Variants in DEFB112 observed in about 807,000 individuals in gnomAD.
The protein encoded by DEFB112 is beta-defensin 112.
DEFB112 carries 2 observed loss-of-function variants against 1.1 expected under a neutral mutation model. The ratio of observed to expected loss-of-function variants is 1.85; its 90% CI spans 0.76 to 5.83. The LOEUF is 5.83. Ranked by LOEUF, DEFB112 falls within the 30% of genes most tolerant of loss-of-function variation. The pLI is 0.05. For synonymous variants in DEFB112, 40 were observed against 31.2 expected (o/e 1.28, Z -0.93); for missense variants, 120 against 94.4 (o/e 1.27, Z -1.12).
Position 50,043,629 on chromosome 6 carries a change from G to A in DEFB112, c.231C>T (p.Ile77=). ...ECDPTDPNNW[I]PKDSVGTQEW... Reference sequence around the variant, plus strand: ...CTTGAGTCCCTACTGAGTCCTTTGGGATCCAATTATTTGGGTCCGTAGGGT... The same window carrying A: ...CTTGAGTCCCTACTGAGTCCTTTGGAATCCAATTATTTGGGTCCGTAGGGT... The change falls in exon 2 of 2, where the codon ATC becomes ATT. Residue 77 remains isoleucine (I), a synonymous_variant. Transcript: ENST00000651554. The A allele has an allele frequency of 6.2e-7, 1 of 1,613,466 alleles. No homozygotes were observed. The highest frequency in any genetic ancestry group is 8.5e-7 in the Non-Finnish European group (1 of 1,179,594).
Position 50,043,722 on chromosome 6 carries a change from A to G in DEFB112, c.138T>C (p.Cys46=). 1.2e-6 allele frequency: 2 copies of G among 1,613,474 alleles called. No homozygotes were observed. The highest frequency in any genetic ancestry group is 1.7e-6 in the Non-Finnish European group (2 of 1,179,572). The change falls in exon 2 of 2, where the codon TGT becomes TGC. Residue 46 remains cysteine (C), a synonymous_variant. Coordinates refer to ENST00000651554, the MANE Select transcript of DEFB112 (RefSeq NM_001369057.2). ...ATGAAATCCTAAATTCACTATCATCACATTGATTTTTACATCGACCTCCAA... is the reference window on the plus strand; with the variant it reads ...ATGAAATCCTAAATTCACTATCATCGCATTGATTTTTACATCGACCTCCAA... ...TAIGGRCKNQ[C]DDSEFRISYC...
chr6:50,045,385 C>G (rs965432191), intron 1 of DEFB112, among the ~76,000 whole-genome samples: 1 of 152,056 alleles, frequency 6.6e-6, no homozygotes, highest in Middle Eastern at 3.2e-3. Context: ...ATCATAACCC[C>G]CTCCCTCTTC....
At chr6:50,045,477 A>C (rs557237418) in intron 1 of DEFB112, among the ~76,000 whole-genome samples, 3 of 152,172 alleles carry the variant, frequency 2.0e-5, no homozygotes, top group Admixed American at 1.3e-4. Flanking sequence ...TCAATTATGC[A>C]TTTTTTATGC....
rs1303634491 is a variant in DEFB112 at position 50,043,023 on chromosome 6, C to T, written c.*552G>A. On this transcript the variant is annotated 3_prime_UTR_variant, in exon 2 of 2. Transcript: ENST00000651554. ...TCTTCTTTTCCTTCCTCAACCTAGT[C>T]TCCCTCTATTCTACCTTTTGAGATT... Among the ~76,000 whole-genome samples, 1 of 151,940 alleles carries T rather than the reference C, an allele frequency of 6.6e-6. No individual in the cohort carries two copies. The highest frequency in any genetic ancestry group is 6.6e-5 in the Admixed American group (1 of 15,222).
chr6:50,048,746 G>C (rs1026204535), intron 1 of DEFB112: 2 of 810,060 alleles, frequency 2.5e-6, no homozygotes, highest in African/African-American at 3.5e-5. Context: ...GGACACAAAT[G>C]TAGTTGCCTC....
chr6:50,045,468 C>A (rs774014681), intron 1 of DEFB112, among the ~76,000 whole-genome samples: 9 of 151,962 alleles, frequency 5.9e-5, no homozygotes, highest in Non-Finnish European at 1.3e-4. Flanking sequence ...TTGTATACCT[C>A]AATTATGCAT....
intron 1 of DEFB112, among the ~76,000 whole-genome samples, chr6:50,045,271 T>G (rs373550797): frequency 2.0e-5 from 3 of 151,888 alleles, no homozygotes; most frequent in East Asian, 3.9e-4. Flanking sequence ...GAACACAAAA[T>G]ATAAATGCAG....
At chr6:50,047,552 G>A (rs946043015) in intron 1 of DEFB112, among the ~76,000 whole-genome samples, 1 of 152,122 alleles carries the variant, frequency 6.6e-6, no homozygotes, top group African/African-American at 2.4e-5. Context: ...CTTAGCTCTT[G>A]TGAAGGCATT....
chr6:50,043,750 G>A lies in DEFB112; in HGVS notation c.110C>T (p.Ala37Val), dbSNP rs377507979. The A allele has an allele frequency of 6.2e-7, 1 of 1,613,344 alleles. No homozygotes were observed. Among genetic ancestry groups the A allele is most frequent in the South Asian group, 1.1e-5 (1 of 91,056 alleles). ...ITFSRWKSCT[A>V]IGGRCKNQCD... Reference sequence around the variant, plus strand: ...TTGATTTTTACATCGACCTCCAATCGCTGTACATGACTTCCACCTACTAAA... The same window carrying A: ...TTGATTTTTACATCGACCTCCAATCACTGTACATGACTTCCACCTACTAAA... Residue 37 changes from alanine (A) to valine (V), a missense_variant, in exon 2 of 2, where the codon GCG becomes GTG. By Grantham distance (64) the Ala-to-Val change is moderately conservative. Coordinates refer to ENST00000651554, the MANE Select transcript of DEFB112 (RefSeq NM_001369057.2).
chr6:50,042,964 A>G lies in DEFB112; in HGVS notation c.*611T>C, dbSNP rs1222901597. On this transcript the variant is annotated 3_prime_UTR_variant, in exon 2 of 2. Transcript: ENST00000651554. ...AAAAAGTTAATCATAATTTCACATT[A>G]TCGTTATTGCCACAAGCTACAGGGA... 6.6e-6 allele frequency among the ~76,000 whole-genome samples: 1 copy of G among 152,098 alleles called. No individual in the cohort carries two copies. The highest frequency in any genetic ancestry group is 1.5e-5 in the Non-Finnish European group (1 of 67,962).
intron 1 of DEFB112, chr6:50,048,441 A>C: frequency 1.0e-6 from 1 of 977,554 alleles, no homozygotes; most frequent in Non-Finnish European, 1.6e-6. Flanking sequence ...GTAAACAGGG[A>C]CTGAGGTAGA....
chr6:50,047,573 G>C (rs2113959322), intron 1 of DEFB112, among the ~76,000 whole-genome samples: 1 of 152,246 alleles, frequency 6.6e-6, no homozygotes, highest in East Asian at 1.9e-4. Context: ...TTCGTGCATG[G>C]ATAATTGTTC....
At chr6:50,043,863 G>T in intron 1 of DEFB112, 62 bp from the exon 2 acceptor site, 2 of 1,365,034 alleles carry the variant, frequency 1.5e-6, no homozygotes, top group Non-Finnish European at 1.0e-6. Flanking sequence ...AGATTTAAAA[G>T]AAGACATGGG....
At chr6:50,044,885 G>T (rs368786449) in intron 1 of DEFB112, among the ~76,000 whole-genome samples, 1 of 151,648 alleles carries the variant, frequency 6.6e-6, no homozygotes, top group Non-Finnish European at 1.5e-5. Context: ...AACCATTTTC[G>T]TGTCCATCTT....
chr6:50,043,611 C>G lies in DEFB112; in HGVS notation c.249G>C (p.Gly83=). The G allele has an allele frequency of 6.2e-7, 1 of 1,613,384 alleles. No homozygotes were observed. The highest frequency in any genetic ancestry group is 8.5e-7 in the Non-Finnish European group (1 of 1,179,562). The change falls in exon 2 of 2, where the codon GGG becomes GGC. Residue 83 remains glycine, a synonymous_variant. Transcript: ENST00000651554. ...PNNWIPKDSV[G]TQEWYPKDSR... ...AGTCTTTAGGGTACCATTCTTGAGTCCCTACTGAGTCCTTTGGGATCCAAT... is the reference window on the plus strand; with the variant it reads ...AGTCTTTAGGGTACCATTCTTGAGTGCCTACTGAGTCCTTTGGGATCCAAT...
rs1774757001 is a variant in DEFB112 at position 50,042,299 on chromosome 6, A to G, written c.*1276T>C. On this transcript the variant is annotated 3_prime_UTR_variant, in exon 2 of 2. Transcript: ENST00000651554. Reference sequence around the variant, plus strand: ...TAGTATTATACATATCAGGAATATCATATATAATTTGGACACCCAGATGCT... The same window carrying G: ...TAGTATTATACATATCAGGAATATCGTATATAATTTGGACACCCAGATGCT... Among the ~76,000 whole-genome samples, 1 of 152,100 alleles carries G rather than the reference A, an allele frequency of 6.6e-6. No individual in the cohort carries two copies. The highest frequency in any genetic ancestry group is 1.9e-4 in the East Asian group (1 of 5,176).
In DEFB112 at chr6:50,049,845, T is replaced by C. The variant is rs1774896764; in HGVS notation, c.25A>G (p.Ile9Val). The stretch of plus-strand genomic sequence containing the variant: ...ATAAGGACTCCAAAGAAAAGCAAAA[T>C]ACAGAAAAAGAGAAGGATCTTCATT... Reference protein sequence around the residue: MKILLFFCILLFFGVLIPP... With the variant: MKILLFFCVLLFFGVLIPP... The change falls in exon 1 of 2, where the codon ATT (isoleucine) becomes GTT (valine). Residue 9 changes from isoleucine to valine, a missense_variant. Transcript: ENST00000651554. Among the ~76,000 whole-genome samples the C allele has an allele frequency of 6.6e-6, 1 of 151,832 alleles. No individual in the cohort carries two copies. Among genetic ancestry groups the C allele is most frequent in the East Asian group, 1.9e-4 (1 of 5,180 alleles).
rs200405124 is a variant in DEFB112, at chr6:50,048,632, A to G, written c.58+1180T>C. On this transcript the variant is annotated intron_variant, in intron 1 of 1. Transcript: ENST00000651554. Reference sequence around the variant, plus strand: ...CATTTTTTCAAGTTTCAGTCTACATATGGTTGTCAATAATTTCATAAGAGT... The same window carrying G: ...CATTTTTTCAAGTTTCAGTCTACATGTGGTTGTCAATAATTTCATAAGAGT... The G allele has an allele frequency of 4.8e-5, 78 of 1,612,282 alleles. No homozygotes were observed. The East Asian group carries it at 1.6e-3, about 33-fold the overall frequency.
intron 1 of DEFB112, among the ~76,000 whole-genome samples, chr6:50,045,459 T>C (rs1774815961): frequency 6.6e-6 from 1 of 152,122 alleles, no homozygotes; most frequent in African/African-American, 2.4e-5. Flanking sequence ...TATTAATATT[T>C]GTATACCTCA....
Sources: allele counts gnomAD v4.1 joint callset (sites outside exome capture counted in the v4.1 genomes callset), GRCh38; gene constraint gnomAD v4.1.1; transcripts MANE v1.5; gene names NCBI Gene and HGNC (gene_info 2026-07-23, HGNC 2026-07-21).